HAUS6: variants seen among roughly 807,000 people sequenced by gnomAD.
The protein encoded by HAUS6 is HAUS augmin-like complex subunit 6.
In HAUS6, 80 loss-of-function variants were observed where a neutral mutation model predicts 106.8. The ratio of observed to expected loss-of-function variants is 0.75; its 90% confidence interval spans 0.63 to 0.90. The LOEUF (loss-of-function observed/expected upper bound fraction) is 0.90, where lower values mean the gene tolerates loss of function less well. HAUS6 is among the 40% of genes least tolerant of loss of function. HAUS6 has a pLI of 0.00. For synonymous variants in HAUS6, 356 were observed against 379.1 expected (o/e 0.94, Z 0.71); for missense variants, 1,155 against 1,118.1 (o/e 1.03, Z -0.47).
intron 11 of HAUS6, among the ~76,000 whole-genome samples, chr9:19,075,458 A>C (rs1398427298): frequency 1.3e-5 from 2 of 152,238 alleles, no homozygotes; most frequent in African/African-American, 4.8e-5. Flanking sequence ...AAAACTTGAA[A>C]ATACTGCACA....
chr9:19,073,187 T>C (rs1836915997), intron 11 of HAUS6, among the ~76,000 whole-genome samples: 1 of 152,098 alleles, frequency 6.6e-6, no homozygotes, highest in South Asian at 2.1e-4. Context: ...ATGTACCTTT[T>C]AAAAAACCTA....
At chr9:19,083,324 A>C (rs2131136760) in intron 7 of HAUS6, among the ~76,000 whole-genome samples, 1 of 152,030 alleles carries the variant, frequency 6.6e-6, no homozygotes, top group South Asian at 2.1e-4. Context: ...CCCAGGCCAG[A>C]CTCAAACTCC....
intron 3 of HAUS6, 46 bp downstream of exon 3, chr9:19,094,271 T>G (rs767650093): frequency 3.3e-5 from 38 of 1,149,890 alleles, no homozygotes; most frequent in Admixed American, 9.9e-5. Flanking sequence ...TTAAAGTAGT[T>G]TTTAACTTCT....
chr9:19,089,781 C>G (rs969660626), intron 4 of HAUS6: 14 of 527,012 alleles, frequency 2.7e-5, no homozygotes, highest in Non-Finnish European at 6.7e-6. Flanking sequence ...ACTAACAACT[C>G]CCCAAAAGCT....
At chr9:19,086,322 GGGGGAA>G (rs1215654479) in intron 7 of HAUS6, among the ~76,000 whole-genome samples, 1 of 137,646 alleles carries the variant, frequency 7.3e-6, no homozygotes, top group East Asian at 2.3e-4. Context: ...GGGGAGGGGA[GGGGGAA>G]GGGGAAGGGA....
At chr9:19,056,435 A>G (rs750883539) in intron 16 of HAUS6, 31 bp from the exon 17 acceptor site, 5 of 1,190,450 alleles carry the variant, frequency 4.2e-6, no homozygotes, top group Admixed American at 1.7e-5. Context: ...AGTATAAGCA[A>G]ACATTACAAA....
Position 19,082,951 on chromosome 9 carries a change from T to C in HAUS6, c.792A>G (p.Gln264=), listed in dbSNP as rs749148199. The C allele has an allele frequency of 9.0e-6, 14 of 1,557,142 alleles. No individual in the cohort carries two copies. The highest frequency in any genetic ancestry group is 1.2e-5 in the South Asian group (1 of 86,134). ...VVSSVLSLVN[Q]YALDGTNVAI... is the part of the protein sequence containing the mutation. The stretch of plus-strand genomic sequence containing the variant: ...CAACATTAGTTCCATCTAAAGCATA[T>C]TGGTTAACAAGACTAAGGACCGAAC... The change falls in exon 8 of 17, where the codon CAA becomes CAG. Residue 264 remains glutamine, a synonymous_variant. Transcript: ENST00000380502.
chr9:19,095,796 G>A (rs1171975936), intron 2 of HAUS6, among the ~76,000 whole-genome samples: 1 of 152,008 alleles, frequency 6.6e-6, no homozygotes, highest in East Asian at 1.9e-4. Flanking sequence ...AAATAACTTA[G>A]GACTGAGACT....
rs1486692817 is a variant in HAUS6 at position 19,097,407 on chromosome 9, AAAAC to A, written c.129-642_129-639del. ...TGAACTCAAACAAATTTACAAGAAA[AAAAC>A]AAACAACCCCATCAAAAAGTGGGTG... On this transcript the variant is annotated intron_variant, in intron 1 of 16. Coordinates refer to ENST00000380502, the MANE Select transcript of HAUS6 (RefSeq NM_017645.5). Among the ~76,000 whole-genome samples, 12 of 152,288 alleles carry A rather than the reference AAAAC, an allele frequency of 7.9e-5. 1 individual carries two copies. Among genetic ancestry groups the A allele is most frequent in the East Asian group, 1.9e-4 (1 of 5,190 alleles).
At chr9:19,090,072 C>G (rs1363622119) in intron 4 of HAUS6, among the ~76,000 whole-genome samples, 2 of 152,004 alleles carry the variant, frequency 1.3e-5, no homozygotes, top group Non-Finnish European at 2.9e-5. Flanking sequence ...CTCCAGGACT[C>G]AAGGGATCCT....
At chr9:19,100,750 T>G (rs1010655843) in intron 1 of HAUS6, among the ~76,000 whole-genome samples, 3 of 152,226 alleles carry the variant, frequency 2.0e-5, no homozygotes, top group Non-Finnish European at 4.4e-5. Flanking sequence ...GGAATATTAT[T>G]CAGCCACACA....
At chr9:19,067,052 T>A (rs895739543) in intron 12 of HAUS6, among the ~76,000 whole-genome samples, 2 of 151,522 alleles carry the variant, frequency 1.3e-5, no homozygotes, top group Non-Finnish European at 1.5e-5. Flanking sequence ...AGACTACATA[T>A]CTTTTGGTAT....
Position 19,056,254 on chromosome 9 carries a change from C to G in HAUS6, c.*89G>C. The G allele has an allele frequency of 5.4e-6, 4 of 735,628 alleles. No homozygotes were observed. Among genetic ancestry groups the G allele is most frequent in the Non-Finnish European group, 9.7e-6 (4 of 413,332 alleles). The allele number at this position is 735,628 out of a possible 1,614,324, so 45.6% of individuals were successfully genotyped here. A position where few individuals can be genotyped will look rare whatever the true frequency, so the allele number is the denominator to read the frequency against. The stretch of plus-strand genomic sequence containing the variant: ...AACCTTGAAAAACAGTGTTACACTT[C>G]CAACATGTATTTAAGTTGTAATTCA... On this transcript the variant is annotated 3_prime_UTR_variant, in exon 17 of 17. Coordinates refer to ENST00000380502, the MANE Select transcript of HAUS6 (RefSeq NM_017645.5).
intron 6 of HAUS6, 147 bp from the exon 7 acceptor site, chr9:19,086,929 A>C (rs1398136474): frequency 4.8e-6 from 3 of 619,146 alleles, no homozygotes; most frequent in Non-Finnish European, 8.6e-6. Context: ...ATAATTTATT[A>C]GGAAAACTGG....
intron 11 of HAUS6, among the ~76,000 whole-genome samples, chr9:19,072,106 C>T (rs1168751770): frequency 6.6e-6 from 1 of 151,716 alleles, no homozygotes; most frequent in Non-Finnish European, 1.5e-5. Flanking sequence ...AGGGGAAGCG[C>T]TTGAACCCAA....
rs567987479 is a variant in HAUS6 at position 19,094,229 on chromosome 9, T to G, written c.303+88A>C. On this transcript the variant is annotated intron_variant, in intron 3 of 16. Transcript: ENST00000380502. ...GCTTATACTGATAGCATTAAAGCAT[T>G]AAAAGGATTTCACCTCTAAAAAGTT... 189 of 724,300 alleles carry G rather than the reference T, an allele frequency of 2.6e-4. No individual in the cohort carries two copies. The South Asian group carries it at 3.0e-3, about 12-fold the overall frequency. 44.9% of individuals were successfully genotyped at this position (724,300 alleles called of 1,614,324 possible). A position where few individuals can be genotyped will look rare whatever the true frequency, so the allele number is the denominator to read the frequency against.
intron 5 of HAUS6, among the ~76,000 whole-genome samples, chr9:19,088,945 G>C (rs923555525): frequency 1.3e-5 from 2 of 151,026 alleles, no homozygotes; most frequent in Admixed American, 6.6e-5. Context: ...ATTTTAGGCA[G>C]AAGTTATCTG....
chr9:19,086,637 AG>A, intron 7 of HAUS6, 96 bp downstream of exon 7: 1 of 573,342 alleles, frequency 1.7e-6, no homozygotes, highest in East Asian at 3.4e-5. Flanking sequence ...AAAAAAAAAA[AG>A]TGGTAAATAG....
intron 4 of HAUS6, among the ~76,000 whole-genome samples, chr9:19,090,418 GC>G (rs1229070638): frequency 6.6e-6 from 1 of 152,142 alleles, no homozygotes; most frequent in African/African-American, 2.4e-5. Context: ...AGGCTGAAAT[GC>G]AGTGGCGTGA....
Sources: allele counts gnomAD v4.1 joint callset (sites outside exome capture counted in the v4.1 genomes callset), GRCh38; gene constraint gnomAD v4.1.1; transcripts MANE v1.5; gene names NCBI Gene and HGNC (gene_info 2026-07-23, HGNC 2026-07-21).